Variants in COL28A1 observed in about 807,000 individuals in gnomAD.
COL28A1 encodes collagen alpha-1(XXVIII) chain.
A neutral mutation model predicts 150.2 loss-of-function variants in COL28A1; 161 were observed. The observed-to-expected ratio is 1.07, with a 90% CI of 0.94 to 1.22. The LOEUF (loss-of-function observed/expected upper bound fraction) is 1.22. Ranked by LOEUF, COL28A1 falls within the 50% of genes most tolerant of loss-of-function variation. COL28A1 has a pLI of 0.00. For missense variants in COL28A1, 1,617 were observed against 1,388.3 expected, an observed-to-expected ratio of 1.16 and a Z score of -2.62; for synonymous variants, 552 against 469.7, an observed-to-expected ratio of 1.18 and a Z score of -2.26.
At chr7:7,407,721 G>A (rs528867829) in intron 27 of COL28A1, among the ~76,000 whole-genome samples, 12 of 152,114 alleles carry the variant, frequency 7.9e-5, no homozygotes, top group Admixed American at 2.0e-4. Flanking sequence ...GTTTCAATCT[G>A]GGATGCAAGA....
chr7:7,514,457 G>T (rs17168367), intron 8 of COL28A1, among the ~76,000 whole-genome samples: 15,637 of 152,110 alleles, frequency 0.1, 872 homozygotes, highest in Middle Eastern at 0.21. Flanking sequence ...GCTGCTAAGT[G>T]TAGAATCATG....
chr7:7,362,560 G>A (rs1358350505), intron 33 of COL28A1, among the ~76,000 whole-genome samples: 3 of 152,048 alleles, frequency 2.0e-5, no homozygotes, highest in East Asian at 3.9e-4. Context: ...TATTACTCAT[G>A]TATGCGTATT....
intron 25 of COL28A1, among the ~76,000 whole-genome samples, chr7:7,424,322 G>A (rs913068748): frequency 1.3e-5 from 2 of 152,136 alleles, no homozygotes; most frequent in African/African-American, 4.8e-5. Context: ...GGTTCCATGG[G>A]CCGTGTGTCC....
At chr7:7,356,147 C>A (rs958866862), downstream of COL28A1, 1 of 149,954 alleles carries the variant, frequency 6.7e-6, no homozygotes, top group Non-Finnish European at 1.5e-5. Flanking sequence ...ATTAGTTATA[C>A]CATTGAATGA....
At chr7:7,387,358 A>G (rs1358433570) in intron 27 of COL28A1, among the ~76,000 whole-genome samples, 1 of 152,176 alleles carries the variant, frequency 6.6e-6, no homozygotes, top group Non-Finnish European at 1.5e-5. Context: ...CCTTTACTAA[A>G]GAATAAAACA....
intron 6 of COL28A1, among the ~76,000 whole-genome samples, chr7:7,518,737 C>T (rs577124820): frequency 5.3e-5 from 8 of 152,200 alleles, no homozygotes; most frequent in South Asian, 2.1e-4. Flanking sequence ...TGTTTTTAAA[C>T]GTCAAAACAC....
At chr7:7,419,978 G>T in intron 25 of COL28A1, 25 bp from the exon 26 acceptor site, 1 of 1,514,002 alleles carries the variant, frequency 6.6e-7, no homozygotes, top group Non-Finnish European at 8.9e-7. Context: ...CAAATAACAA[G>T]TTACTAATTT....
In COL28A1 at chr7:7,480,205, C is replaced by A. The variant is rs145581042; in HGVS notation, c.1165-3025G>T. Among the ~76,000 whole-genome samples, 709 of 152,230 alleles carry A rather than the reference C, an allele frequency of 4.7e-3. 5 individuals are homozygous for A. The highest frequency in any genetic ancestry group is 0.022 in the East Asian group (115 of 5,188). ...AGTTATAGATTCATAAGAAAAAGAT[C>A]TGTTTTTCAGTGTTTAATTTTTTTG... On this transcript the variant is annotated intron_variant, in intron 13 of 34. Coordinates refer to ENST00000399429, the MANE Select transcript of COL28A1 (RefSeq NM_001037763.3).
chr7:7,365,178 G>A (rs1780868475), intron 33 of COL28A1, among the ~76,000 whole-genome samples: 1 of 76,414 alleles, frequency 1.3e-5, no homozygotes, highest in Non-Finnish European at 3.5e-5. Flanking sequence ...TCTGAAGCAA[G>A]AGTGAATGAA....
In COL28A1 at chr7:7,510,037, C is replaced by T. The variant is rs144802514; in HGVS notation, c.927+1054G>A. On this transcript the variant is annotated intron_variant, in intron 9 of 34. Coordinates refer to ENST00000399429, the MANE Select transcript of COL28A1 (RefSeq NM_001037763.3). ...TCATTATCTCACCCTCTTCTCCTAA[C>T]CTTCTGCCTCATTTTCTCTCCTTGA... 1.6e-3 allele frequency among the ~76,000 whole-genome samples: 242 copies of T among 152,172 alleles called. 7 individuals carry two copies. The East Asian group carries it at 0.042, about 27-fold the overall frequency.
At chr7:7,378,860 G>A (rs138098008) in intron 30 of COL28A1, among the ~76,000 whole-genome samples, 26 of 152,260 alleles carry the variant, frequency 1.7e-4, no homozygotes, top group African/African-American at 2.2e-4. Flanking sequence ...GCCTGTCACC[G>A]TCTTCTTGTA....
chr7:7,515,989 C>T (rs2115172072), intron 7 of COL28A1, 149 bp from the exon 8 acceptor site: 1 of 550,364 alleles, frequency 1.8e-6, no homozygotes, highest in South Asian at 2.7e-5. Context: ...TGTTCCACTT[C>T]TCTTTGTGCT....
At chr7:7,493,285 C>T (rs1432299722) in intron 11 of COL28A1, among the ~76,000 whole-genome samples, 1 of 151,894 alleles carries the variant, frequency 6.6e-6, no homozygotes, top group Non-Finnish European at 1.5e-5. Flanking sequence ...AAGTTCTGCC[C>T]TACTTGGTAC....
chr7:7,491,637 T>C (rs6972069), intron 11 of COL28A1, among the ~76,000 whole-genome samples: 52,551 of 152,070 alleles, frequency 0.35, 10,410 homozygotes, highest in African/African-American at 0.54. Flanking sequence ...GAACTAGATG[T>C]GACCATTGCA....
chr7:7,478,915 G>A (rs1789165398), intron 13 of COL28A1, among the ~76,000 whole-genome samples: 1 of 152,224 alleles, frequency 6.6e-6, no homozygotes, highest in Non-Finnish European at 1.5e-5. Flanking sequence ...TTCCACCCGT[G>A]CCTCTCCCTC....
Position 7,471,125 on chromosome 7 carries a change from T to TAAA in COL28A1, c.1302+3473_1302+3475dup, listed in dbSNP as rs746981344. Reference sequence around the variant, plus strand: ...TTAGAGTATAATAAAAAAAAATAATTAAAAAAAAAAAAAAAAAAAGAAAAG... The same window carrying TAAA: ...TTAGAGTATAATAAAAAAAAATAATTAAAAAAAAAAAAAAAAAAAAAAGAAAAG... On this transcript the variant is annotated intron_variant, in intron 15 of 34. Coordinates refer to ENST00000399429, the MANE Select transcript of COL28A1 (RefSeq NM_001037763.3). 4.1e-3 allele frequency among the ~76,000 whole-genome samples: 359 copies of TAAA among 88,464 alleles called. 2 individuals carry two copies. Among genetic ancestry groups the TAAA allele is most frequent in the South Asian group, 0.016 (42 of 2,664 alleles). The allele number at this position is 88,464 out of a possible 152,430, so 58.0% of individuals were successfully genotyped here. A position where few individuals can be genotyped will look rare whatever the true frequency, so the allele number is the denominator to read the frequency against.
At chr7:7,398,530 G>A (rs1782976197) in intron 27 of COL28A1, among the ~76,000 whole-genome samples, 1 of 152,310 alleles carries the variant, frequency 6.6e-6, no homozygotes, top group Non-Finnish European at 1.5e-5. Context: ...TTCTGACAAT[G>A]AAATTGTTCT....
At chr7:7,407,547 C>G (rs1783554663) in intron 27 of COL28A1, among the ~76,000 whole-genome samples, 1 of 151,940 alleles carries the variant, frequency 6.6e-6, no homozygotes, top group Non-Finnish European at 1.5e-5. Flanking sequence ...TTCATGCCCT[C>G]AGAGGAAAAA....
intron 16 of COL28A1, 76 bp downstream of exon 16, chr7:7,455,968 G>C (rs1039001376): frequency 6.3e-7 from 1 of 1,594,766 alleles, no homozygotes; most frequent in Admixed American, 1.7e-5. Context: ...GATGTTTGCA[G>C]GACTGGCCTT....
Sources: gnomAD v4.1 joint callset for allele counts (sites outside exome capture counted in the v4.1 genomes callset) on GRCh38, gnomAD v4.1.1 for gene constraint, MANE v1.5 for transcripts, NCBI Gene and HGNC (gene_info 2026-07-23, HGNC 2026-07-21) for gene names.